The following VPS26A variants were observed in gnomAD, a reference collection of about 807,000 sequenced individuals.
VPS26A encodes the protein vacuolar protein sorting-associated protein 26A.
VPS26A carries 22 observed loss-of-function variants against 42.4 expected under a neutral mutation model. The ratio of observed to expected loss-of-function variants is 0.52; its 90% CI spans 0.37 to 0.74. VPS26A has a LOEUF of 0.74. Ranked by LOEUF, VPS26A falls within the 30% of genes least tolerant of loss-of-function variation. The pLI is 0.00. For missense variants in VPS26A, 276 were observed against 379.2 expected, an observed-to-expected ratio of 0.73 and a Z score of 2.26; for synonymous variants, 110 against 123.5, an observed-to-expected ratio of 0.89 and a Z score of 0.73.
At chr10:69,162,640 C>T in intron 6 of VPS26A, 128 bp downstream of exon 6, 1 of 499,174 alleles carries the variant, frequency 2.0e-6, no homozygotes, top group Non-Finnish European at 3.4e-6. Context: ...ATATTGCTGG[C>T]AGTAAGTTAT....
chr10:69,143,109 G>A (rs139467801), intron 2 of VPS26A, among the ~76,000 whole-genome samples: 1 of 152,310 alleles, frequency 6.6e-6, no homozygotes, highest in African/African-American at 2.4e-5. Flanking sequence ...AGGAAAAAGA[G>A]GAGGAAACAA....
Position 69,157,034 on chromosome 10 carries a change from A to G in VPS26A, c.257A>G (p.His86Arg). 1 of 1,612,160 alleles carries G rather than the reference A, an allele frequency of 6.2e-7. No individual in the cohort carries two copies. The highest frequency in any genetic ancestry group is 8.5e-7 in the Non-Finnish European group (1 of 1,179,246). Residue 86 changes from histidine (H) to arginine (R), a missense_variant, in exon 4 of 9, where the codon CAT (histidine) becomes CGT (arginine). His to Arg is a conservative substitution (Grantham distance 29). Coordinates refer to ENST00000263559, the MANE Select transcript of VPS26A (RefSeq NM_004896.5). ...IELFNDKSNT[H>R]EFVNLVKELA... Reference sequence around the variant, plus strand: ...CTTTTCAATGACAAGAGTAATACTCATGAATTTGTAAACCTAGTGAAAGAA... The same window carrying G: ...CTTTTCAATGACAAGAGTAATACTCGTGAATTTGTAAACCTAGTGAAAGAA...
At position 69,139,109 on chromosome 10, in the gene VPS26A, C is replaced by G. The variant is rs536402820; in HGVS notation, c.153+6062C>G. 7.2e-5 allele frequency among the ~76,000 whole-genome samples: 11 copies of G among 152,154 alleles called. No homozygotes were observed. The South Asian group carries it at 2.1e-3, about 29-fold the overall frequency. ...ACCACCAGTCCTTATATCTTTGTCT[C>G]TTTATTTGTTTCATTGTCTGAAGCT... is the stretch of plus-strand genomic sequence containing the variant. On this transcript the variant is annotated intron_variant, in intron 2 of 8. Transcript: ENST00000263559.
intron 1 of VPS26A, among the ~76,000 whole-genome samples, chr10:69,129,756 C>G (rs1419195294): frequency 6.6e-6 from 1 of 152,144 alleles, no homozygotes; most frequent in East Asian, 1.9e-4. Flanking sequence ...AACTCCTGAC[C>G]TTGTGATTCG....
chr10:69,152,963 C>G (rs1214368729), intron 2 of VPS26A, among the ~76,000 whole-genome samples: 5 of 84,900 alleles, frequency 5.9e-5, no homozygotes, highest in African/African-American at 1.6e-4. Flanking sequence ...GAGCGAGGCT[C>G]TGTCTCAAAA....
chr10:69,173,948 C>T lies in VPS26A; in HGVS notation c.*2679C>T, dbSNP rs1228646012. 6.6e-6 allele frequency among the ~76,000 whole-genome samples: 1 copy of T among 151,708 alleles called. No homozygotes were observed. Among genetic ancestry groups the T allele is most frequent in the Non-Finnish European group, 1.5e-5 (1 of 67,910 alleles). On this transcript the variant is annotated 3_prime_UTR_variant, in exon 9 of 9. Coordinates refer to ENST00000263559, the MANE Select transcript of VPS26A (RefSeq NM_004896.5). ...GGCAGAGGTTGCAGTGAGCCGAGAT[C>T]ACACCAATGCACTCCAGCCTGGCTA...
chr10:69,162,372 C>A, intron 5 of VPS26A, 34 bp from the exon 6 acceptor site: 1 of 1,132,600 alleles, frequency 8.8e-7, no homozygotes, highest in Non-Finnish European at 1.3e-6. Flanking sequence ...TGTTTTTAAA[C>A]TGATATTTAG....
rs1049183574 is a variant in VPS26A at position 69,150,855 on chromosome 10, T to C, written c.154-4957T>C. On this transcript the variant is annotated intron_variant, in intron 2 of 8. Transcript: ENST00000263559. The stretch of plus-strand genomic sequence containing the variant: ...AAGCAGATGGGGCAGAATATAAAAC[T>C]TGTGCTGAATCTGGGTAAAGGTTAT... 5.3e-5 allele frequency among the ~76,000 whole-genome samples: 8 copies of C among 152,318 alleles called. No individual in the cohort carries two copies. The South Asian group carries it at 1.7e-3, about 32-fold the overall frequency.
chr10:69,165,985 G>C (rs1841679084), intron 6 of VPS26A, 57 bp from the exon 7 acceptor site: 1 of 1,503,114 alleles, frequency 6.7e-7, no homozygotes, highest in African/African-American at 1.4e-5. Context: ...GAAGGCATAA[G>C]GCTAGTAATT....
chr10:69,126,200 C>T (rs993775915), intron 1 of VPS26A, among the ~76,000 whole-genome samples: 1 of 150,726 alleles, frequency 6.6e-6, no homozygotes, highest in Non-Finnish European at 1.5e-5. Flanking sequence ...GTGGCTCACA[C>T]CTGTAATCCC....
At chr10:69,157,731 G>A (rs768199761) in intron 4 of VPS26A, among the ~76,000 whole-genome samples, 7 of 152,166 alleles carry the variant, frequency 4.6e-5, no homozygotes, top group Non-Finnish European at 7.4e-5. Flanking sequence ...CTGGAACTGG[G>A]TTTGACAACC....
At chr10:69,167,771 T>C (rs1460918150) in intron 7 of VPS26A, among the ~76,000 whole-genome samples, 1 of 143,572 alleles carries the variant, frequency 7.0e-6, no homozygotes, top group African/African-American at 2.6e-5. Context: ...AAAAAGAATA[T>C]GCAAAGAATT....
chr10:69,149,740 T>G (rs199671682), intron 2 of VPS26A, among the ~76,000 whole-genome samples: 8,246 of 43,696 alleles, frequency 0.19, 569 homozygotes, highest in South Asian at 0.37. Context: ...TTTTGTTTTT[T>G]TTTTTTTTTT....
chr10:69,173,792 G>C lies in VPS26A; in HGVS notation c.*2523G>C, dbSNP rs1841870415. 6.6e-6 allele frequency among the ~76,000 whole-genome samples: 1 copy of C among 152,236 alleles called. No individual in the cohort carries two copies. Among genetic ancestry groups the C allele is most frequent in the Admixed American group, 6.5e-5 (1 of 15,288 alleles). ...AGGCGGGCAGATCACCTGAGTTCCA[G>C]GAGTTCGAGACCAGCCTGACCAACG... is the stretch of plus-strand genomic sequence containing the variant. On this transcript the variant is annotated 3_prime_UTR_variant, in exon 9 of 9. Coordinates refer to ENST00000263559, the MANE Select transcript of VPS26A (RefSeq NM_004896.5).
Position 69,149,727 on chromosome 10 carries a change from G to GTTTTTT in VPS26A, c.154-6084_154-6079dup, listed in dbSNP as rs151136046. Among the ~76,000 whole-genome samples, 99 of 93,940 alleles carry GTTTTTT rather than the reference G, an allele frequency of 1.1e-3. 13 individuals are homozygous for GTTTTTT. The highest frequency in any genetic ancestry group is 3.4e-3 in the East Asian group (11 of 3,224). The allele number at this position is 93,940 out of a possible 152,430, so 61.6% of individuals were successfully genotyped here. On this transcript the variant is annotated intron_variant, in intron 2 of 8. Transcript: ENST00000263559. ...ACCATGGAATGTTAACTTTCTTGGTGTTTTTTGTTTTTTTTTTTTTTTTTT... is the reference window on the plus strand; with the variant it reads ...ACCATGGAATGTTAACTTTCTTGGTGTTTTTTTTTTTTGTTTTTTTTTTTTTTTTTT...
At chr10:69,168,436 T>C (rs1352812480) in intron 7 of VPS26A, 53 bp from the exon 8 acceptor site, 2 of 1,575,096 alleles carry the variant, frequency 1.3e-6, no homozygotes, top group Middle Eastern at 2.0e-4. Flanking sequence ...CTACCTGTTA[T>C]GTGACTATAT....
chr10:69,161,603 A>C, intron 5 of VPS26A: 1 of 269,210 alleles, frequency 3.7e-6, no homozygotes, highest in Non-Finnish European at 7.6e-6. Flanking sequence ...TTACTGCACA[A>C]CTGCAAACAA....
chr10:69,147,318 C>G (rs1295987680), intron 2 of VPS26A, among the ~76,000 whole-genome samples: 1 of 151,742 alleles, frequency 6.6e-6, no homozygotes, highest in Non-Finnish European at 1.5e-5. Context: ...GTTACAAGTC[C>G]AGATATGTGT....
intron 2 of VPS26A, among the ~76,000 whole-genome samples, chr10:69,148,228 C>T (rs12258648): frequency 3.5e-4 from 53 of 152,256 alleles, no homozygotes; most frequent in African/African-American, 1.0e-3. Context: ...TCACTGTTCT[C>T]TACTTTCATT....
Sources: gnomAD v4.1 joint callset for allele counts (sites outside exome capture counted in the v4.1 genomes callset) on GRCh38, gnomAD v4.1.1 for gene constraint, MANE v1.5 for transcripts, NCBI Gene and HGNC (gene_info 2026-07-23, HGNC 2026-07-21) for gene names.